The following ZCCHC8 variants were observed in gnomAD, a reference collection of about 807,000 sequenced individuals.
ZCCHC8 encodes zinc finger CCHC-type containing 8, also known as zinc finger CCHC domain-containing protein 8.
ZCCHC8 carries 27 observed loss-of-function variants against 70.6 expected under a neutral mutation model. The ratio of observed to expected loss-of-function variants is 0.38; its 90% confidence interval spans 0.28 to 0.53. The LOEUF is 0.53. Ranked by LOEUF, ZCCHC8 falls within the 20% of genes least tolerant of loss-of-function variation. The pLI is 0.81. For missense variants in ZCCHC8, 737 were observed against 876.9 expected (o/e 0.84, Z 2.01); for synonymous variants, 293 against 317.4 (o/e 0.92, Z 0.82).
chr12:122,490,618 T>G lies in ZCCHC8; in HGVS notation c.318-51A>C, dbSNP rs1320631179. 2.6e-6 allele frequency: 3 copies of G among 1,147,738 alleles called. No homozygotes were observed. In the African/African-American group the frequency reaches 4.6e-5, roughly 18 times the overall value. 71.1% of individuals were successfully genotyped at this position (1,147,738 alleles called of 1,614,324 possible). ...AACCCAGACAGAGTAAAACATTCAA[T>G]AGACTGAAGTCTTATGCATTACTGT... On this transcript the variant is annotated intron_variant, in intron 3 of 13. Coordinates refer to ENST00000633063, the MANE Select transcript of ZCCHC8 (RefSeq NM_017612.5).
At chr12:122,489,614 A>G (rs1957709687) in intron 4 of ZCCHC8, among the ~76,000 whole-genome samples, 151 bp from the exon 5 acceptor site, 1 of 152,246 alleles carries the variant, frequency 6.6e-6, no homozygotes, top group Non-Finnish European at 1.5e-5. Flanking sequence ...CTTCTTCTGA[A>G]GCACTAGCAT....
Position 122,490,379 on chromosome 12 carries a change from G to T in ZCCHC8, c.423+83C>A. On this transcript the variant is annotated intron_variant, in intron 4 of 13. Coordinates refer to ENST00000633063, the MANE Select transcript of ZCCHC8 (RefSeq NM_017612.5). ...AAACGGTGTTAATCATTTTGGTTTT[G>T]ATTCAAGAGGATCCTTGTGGCCCAA... 4 of 1,127,618 alleles carry T rather than the reference G, an allele frequency of 3.5e-6. No individual in the cohort carries two copies. The South Asian group carries it at 4.1e-5, about 11-fold the overall frequency. The allele number at this position is 1,127,618 out of a possible 1,614,324, so 69.9% of individuals were successfully genotyped here.
chr12:122,500,339 GTGT>G lies in ZCCHC8; in HGVS notation c.199+300_199+302del. ...AACAGAGGGGGGCAATTAAGGGCTT[GTGT>G]ACAATCTGTCAGGTGAGCAGCCTAA... On this transcript the variant is annotated intron_variant, in intron 1 of 13. Coordinates refer to ENST00000633063, the MANE Select transcript of ZCCHC8 (RefSeq NM_017612.5). The surrounding 1 kb of genome is among the most constrained non-coding windows in gnomAD (Gnocchi z 4.8). 1 of 390,702 alleles carries G rather than the reference GTGT, an allele frequency of 2.6e-6. No homozygotes were observed. Among genetic ancestry groups the G allele is most frequent in the Admixed American group, 4.2e-5 (1 of 23,662 alleles). 24.2% of individuals were successfully genotyped at this position (390,702 alleles called of 1,614,324 possible). A position where few individuals can be genotyped will look rare whatever the true frequency, so the allele number is the denominator to read the frequency against.
At chr12:122,485,734 G>C (rs902805595) in intron 5 of ZCCHC8, among the ~76,000 whole-genome samples, 1 of 150,604 alleles carries the variant, frequency 6.6e-6, no homozygotes, top group African/African-American at 2.4e-5. Context: ...GCAGTGGCGC[G>C]ATCTCGGCTC....
intron 2 of ZCCHC8, among the ~76,000 whole-genome samples, chr12:122,495,105 A>C (rs1160633649): frequency 6.6e-6 from 1 of 152,214 alleles, no homozygotes; most frequent in African/African-American, 2.4e-5. Context: ...GAAGGAGGCA[A>C]TATGGCAAAA....
At chr12:122,475,619 G>A (rs1957404732) in intron 13 of ZCCHC8, among the ~76,000 whole-genome samples, 1 of 152,076 alleles carries the variant, frequency 6.6e-6, no homozygotes, top group Non-Finnish European at 1.5e-5. Context: ...TGCCACAGCC[G>A]CTACCTTGCT....
At chr12:122,493,392 GGAC>G (rs1957779314) in intron 2 of ZCCHC8, among the ~76,000 whole-genome samples, 1 of 151,940 alleles carries the variant, frequency 6.6e-6, no homozygotes, top group South Asian at 2.1e-4. Flanking sequence ...GGGGAGGGAA[GGAC>G]TAGGTAAACA....
Position 122,480,183 on chromosome 12 carries a change from T to C in ZCCHC8, c.1140+7A>G, listed in dbSNP as rs2137331523. 1 of 1,561,880 alleles carries C rather than the reference T, an allele frequency of 6.4e-7. No homozygotes were observed. The highest frequency in any genetic ancestry group is 8.7e-7 in the Non-Finnish European group (1 of 1,145,122). On this transcript the variant is annotated splice_region_variant and intron_variant, in intron 11 of 13. Coordinates refer to ENST00000633063, the MANE Select transcript of ZCCHC8 (RefSeq NM_017612.5). ...ACATGATAATTTAAAAAAATCAATATACTTACGTCTGGAATTCCTCTGGGA... is the reference window on the plus strand; with the variant it reads ...ACATGATAATTTAAAAAAATCAATACACTTACGTCTGGAATTCCTCTGGGA...
intron 5 of ZCCHC8, among the ~76,000 whole-genome samples, chr12:122,486,412 CAAAA>C (rs762392385): frequency 9.8e-5 from 5 of 50,870 alleles, no homozygotes; most frequent in Non-Finnish European, 1.6e-4. Context: ...GAGGCTGTCT[CAAAA>C]AAAAAAAAAA....
intron 1 of ZCCHC8, chr12:122,499,269 C>CTTT (rs570830096): frequency 4.3e-4 from 69 of 159,562 alleles, no homozygotes; most frequent in East Asian, 1.5e-3. Context: ...ATCCTTTCAA[C>CTTT]TTTTTTTTTT....
chr12:122,488,916 C>T (rs1957693395), intron 5 of ZCCHC8, among the ~76,000 whole-genome samples: 1 of 151,476 alleles, frequency 6.6e-6, no homozygotes, highest in Non-Finnish European at 1.5e-5. Context: ...CATACTACTA[C>T]ATTGTATTAA....
rs572587840 is a variant in ZCCHC8, at chr12:122,483,005, A to C, written c.671+274T>G. 143 of 526,274 alleles carry C rather than the reference A, an allele frequency of 2.7e-4. No individual in the cohort carries two copies. Among genetic ancestry groups the C allele is most frequent in the African/African-American group, 2.6e-3 (135 of 52,546 alleles). 32.6% of individuals were successfully genotyped at this position (526,274 alleles called of 1,614,324 possible). A position where few individuals can be genotyped will look rare whatever the true frequency, so the allele number is the denominator to read the frequency against. ...ATCATATTTCCGTTAGGTAACATGGAAAGAAGGCAGATGGTTATAAGACTG... is the reference window on the plus strand; with the variant it reads ...ATCATATTTCCGTTAGGTAACATGGCAAGAAGGCAGATGGTTATAAGACTG... On this transcript the variant is annotated intron_variant, in intron 7 of 13. Transcript: ENST00000633063. This position sits in a 1 kb window ranked among gnomAD's most constrained non-coding sequence, Gnocchi z 4.4.
chr12:122,476,082 G>A (rs1194115375), intron 13 of ZCCHC8, among the ~76,000 whole-genome samples: 1 of 152,224 alleles, frequency 6.6e-6, no homozygotes. Context: ...GTCTGGAACT[G>A]CTCTGTGGCA....
chr12:122,485,816 G>A (rs983282124), intron 5 of ZCCHC8, among the ~76,000 whole-genome samples: 14 of 151,796 alleles, frequency 9.2e-5, no homozygotes, highest in African/African-American at 3.4e-4. Context: ...GACTACAGGC[G>A]CCCACCACCA....
intron 2 of ZCCHC8, 134 bp downstream of exon 2, chr12:122,498,693 T>G: frequency 1.2e-6 from 1 of 841,972 alleles, no homozygotes; most frequent in South Asian, 1.6e-5. Flanking sequence ...TTACTTTGAT[T>G]TCTTCAGAGT....
chr12:122,483,139 G>A lies in ZCCHC8; in HGVS notation c.671+140C>T, dbSNP rs1957568729. On this transcript the variant is annotated intron_variant, in intron 7 of 13. Coordinates refer to ENST00000633063, the MANE Select transcript of ZCCHC8 (RefSeq NM_017612.5). This position sits in a 1 kb window ranked among gnomAD's most constrained non-coding sequence, Gnocchi z 4.4. ...ATTCATTTAAACATTTAACATATAT[G>A]TATGGATTAAAATTCTAGCTCAATC... is the stretch of plus-strand genomic sequence containing the variant. 1.3e-6 allele frequency: 1 copy of A among 758,800 alleles called. No individual in the cohort carries two copies. 47.0% of individuals were successfully genotyped at this position (758,800 alleles called of 1,614,324 possible).
rs1318068926 is a variant in ZCCHC8, at chr12:122,482,701, T to C, written c.672-6A>G. ...TGAAACAGTGAGGCTTTGGCCTATT[T>C]GGTCAAAAGACAAAGATTTTTATAA... On this transcript the variant is annotated splice_region_variant and splice_polypyrimidine_tract_variant and intron_variant, in intron 7 of 13. Transcript: ENST00000633063. 6.3e-7 allele frequency: 1 copy of C among 1,599,808 alleles called. No homozygotes were observed.
In ZCCHC8 at chr12:122,478,312, GA is replaced by G. The variant is rs750905722; in HGVS notation, c.1141-21del. The G allele has an allele frequency of 2.3e-4, 311 of 1,371,644 alleles. No individual in the cohort carries two copies. Among genetic ancestry groups the G allele is most frequent in the Admixed American group, 8.2e-4 (33 of 40,396 alleles). The allele number at this position is 1,371,644 out of a possible 1,614,324, so 85.0% of individuals were successfully genotyped here. The stretch of plus-strand genomic sequence containing the variant: ...CCATTCCTAATGATGAAAAGAGAAG[GA>G]AAAAAAAAACACATGTATTTGGAAA... On this transcript the variant is annotated intron_variant, in intron 11 of 13. Coordinates refer to ENST00000633063, the MANE Select transcript of ZCCHC8 (RefSeq NM_017612.5).
At chr12:122,489,621 G>A (rs1957709772) in intron 4 of ZCCHC8, among the ~76,000 whole-genome samples, 158 bp from the exon 5 acceptor site, 1 of 152,198 alleles carries the variant, frequency 6.6e-6, no homozygotes, top group Admixed American at 6.5e-5. Flanking sequence ...TGAAGCACTA[G>A]CATGCACTAC....
Sources: gnomAD v4.1 joint callset for allele counts (sites outside exome capture counted in the v4.1 genomes callset) on GRCh38, gnomAD v4.1.1 for gene constraint, Gnocchi (gnomAD v3.1) non-coding constraint, MANE v1.5 for transcripts, NCBI Gene and HGNC (gene_info 2026-07-23, HGNC 2026-07-21) for gene names.